The following NMNAT2 variants were observed in gnomAD, a reference collection of about 807,000 sequenced individuals.
NMNAT2 encodes nicotinamide/nicotinic acid mononucleotide adenylyltransferase 2.
Under a neutral mutation model 41.6 loss-of-function variants are expected in NMNAT2, and 11 were observed. The ratio of observed to expected loss-of-function variants is 0.26; its 90% CI spans 0.17 to 0.44. The LOEUF is 0.44. Ranked by LOEUF, NMNAT2 falls within the 20% of genes least tolerant of loss-of-function variation. The pLI is 1.00. For missense variants in NMNAT2, 288 were observed against 407.7 expected, an observed-to-expected ratio of 0.71 and a Z score of 2.53; for synonymous variants, 148 against 151.2, an observed-to-expected ratio of 0.98 and a Z score of 0.16.
chr1:183,370,217 A>AACACAC (rs1169390842), intron 1 of NMNAT2, among the ~76,000 whole-genome samples: 53 of 89,380 alleles, frequency 5.9e-4, no homozygotes, highest in Non-Finnish European at 9.0e-4. Context: ...CACTACTATC[A>AACACAC]ACACATACAC....
At chr1:183,357,762 G>T (rs1223363348) in intron 1 of NMNAT2, among the ~76,000 whole-genome samples, 1 of 152,076 alleles carries the variant, frequency 6.6e-6, no homozygotes, top group Non-Finnish European at 1.5e-5. Flanking sequence ...CAGTGATGTT[G>T]AACTTTTTTT....
intron 1 of NMNAT2, among the ~76,000 whole-genome samples, chr1:183,353,735 C>T (rs577341912): frequency 7.2e-5 from 11 of 152,242 alleles, no homozygotes; most frequent in African/African-American, 2.4e-4. Context: ...GATTGCTGGT[C>T]TCAAAAAAGA....
At chr1:183,293,651 C>G in intron 2 of NMNAT2, 54 bp downstream of exon 2, 1 of 1,325,142 alleles carries the variant, frequency 7.5e-7, no homozygotes, top group Non-Finnish European at 1.1e-6. Flanking sequence ...AACTATCAGG[C>G]CAGGGATGGG....
chr1:183,418,152 G>A, intron 1 of NMNAT2, 31 bp downstream of exon 1: 2 of 1,595,398 alleles, frequency 1.3e-6, no homozygotes, highest in South Asian at 1.1e-5. Flanking sequence ...AGGAGCGGAA[G>A]CGGCTTCCAG....
chr1:183,361,839 G>A (rs1468435105), intron 1 of NMNAT2, among the ~76,000 whole-genome samples: 2 of 152,208 alleles, frequency 1.3e-5, no homozygotes, highest in African/African-American at 4.8e-5. Flanking sequence ...CTAAATCTTG[G>A]TGGCATGTGC....
chr1:183,291,672 C>T (rs1661543238), intron 3 of NMNAT2, among the ~76,000 whole-genome samples: 1 of 152,218 alleles, frequency 6.6e-6, no homozygotes, highest in Admixed American at 6.5e-5. Flanking sequence ...GATTTCCTCA[C>T]TGGACCCTTA....
chr1:183,255,513 A>T (rs1660492588), intron 10 of NMNAT2, among the ~76,000 whole-genome samples: 2 of 152,172 alleles, frequency 1.3e-5, no homozygotes, highest in African/African-American at 4.8e-5. Flanking sequence ...TTTAGGTAGC[A>T]TGGACATTTT....
In NMNAT2 at chr1:183,320,193, G is replaced by T. The variant is rs140130342; in HGVS notation, c.86-26400C>A. On this transcript the variant is annotated intron_variant, in intron 1 of 10. Coordinates refer to ENST00000287713, the MANE Select transcript of NMNAT2 (RefSeq NM_015039.4). ...AATTGTTAGGAATGAGGAGAGAGGT[G>T]ATAGTATTTCAGAGGTAGTATATGT... Among the ~76,000 whole-genome samples, 709 of 152,336 alleles carry T rather than the reference G, an allele frequency of 4.7e-3. 22 individuals carry two copies. The highest frequency in any genetic ancestry group is 0.039 in the East Asian group (203 of 5,184).
At chr1:183,305,330 T>G (rs1571587437) in intron 1 of NMNAT2, among the ~76,000 whole-genome samples, 1 of 150,678 alleles carries the variant, frequency 6.6e-6, no homozygotes, top group East Asian at 2.0e-4. Flanking sequence ...GAGTGGAAGG[T>G]GGGGAGGAAG....
In NMNAT2 at chr1:183,386,189, C is replaced by T. The variant is rs534856835; in HGVS notation, c.85+31994G>A. Reference sequence around the variant, plus strand: ...TTGTAAACAAAAATTATATCCACTTCGAGAAGATTAAAAGTCATGGAAGAT... The same window carrying T: ...TTGTAAACAAAAATTATATCCACTTTGAGAAGATTAAAAGTCATGGAAGAT... On this transcript the variant is annotated intron_variant, in intron 1 of 10. Transcript: ENST00000287713. Among the ~76,000 whole-genome samples the T allele has an allele frequency of 1.3e-4, 19 of 151,974 alleles. No individual in the cohort carries two copies. The East Asian group carries it at 3.5e-3, about 28-fold the overall frequency.
chr1:183,396,938 G>A (rs945519026), intron 1 of NMNAT2, among the ~76,000 whole-genome samples: 4 of 152,072 alleles, frequency 2.6e-5, no homozygotes, highest in African/African-American at 7.2e-5. Flanking sequence ...CATGTGACTC[G>A]GATGCATTCC....
chr1:183,290,991 A>ACTGCAAC (rs1460722178), intron 3 of NMNAT2, among the ~76,000 whole-genome samples: 1 of 152,158 alleles, frequency 6.6e-6, no homozygotes, highest in East Asian at 1.9e-4. Context: ...ACCTCGGCTC[A>ACTGCAAC]CTGCAACCTC....
chr1:183,322,158 C>G (rs1453251079), intron 1 of NMNAT2, among the ~76,000 whole-genome samples: 15 of 152,174 alleles, frequency 9.9e-5, no homozygotes, highest in Admixed American at 9.8e-4. Context: ...TAATAACCCT[C>G]ACATTAAACA....
intron 1 of NMNAT2, among the ~76,000 whole-genome samples, chr1:183,389,733 C>CA (rs1298235330): frequency 1.8e-5 from 2 of 112,700 alleles, no homozygotes; most frequent in African/African-American, 7.2e-5. Context: ...AAGACCCTGT[C>CA]AAAAAAGAAA....
intron 1 of NMNAT2, among the ~76,000 whole-genome samples, chr1:183,381,687 A>C (rs1429571885): frequency 6.6e-6 from 1 of 152,088 alleles, no homozygotes; most frequent in East Asian, 1.9e-4. Flanking sequence ...AAAAAGTAAG[A>C]CTCCTTCTAA....
At position 183,250,407 on chromosome 1, in the gene NMNAT2, A is replaced by G. The variant is rs1014968419; in HGVS notation, c.*2234T>C. ...CACACCCTCCCCTGGGACTGGCATT[A>G]CCATCCTATGTGTGGAGAGCACCTG... is the stretch of plus-strand genomic sequence containing the variant. On this transcript the variant is annotated 3_prime_UTR_variant, in exon 11 of 11. Transcript: ENST00000287713. The G allele has an allele frequency of 1.3e-5, 2 of 152,196 alleles. No homozygotes were observed. The highest frequency in any genetic ancestry group is 6.5e-5 in the Admixed American group (1 of 15,268). The allele number at this position is 152,196 out of a possible 1,614,324, so 9.4% of individuals were successfully genotyped here. A position where few individuals can be genotyped will look rare whatever the true frequency, so the allele number is the denominator to read the frequency against.
At chr1:183,317,308 G>A (rs572381363) in intron 1 of NMNAT2, among the ~76,000 whole-genome samples, 1 of 152,308 alleles carries the variant, frequency 6.6e-6, no homozygotes, top group East Asian at 1.9e-4. Context: ...TTGAGACAGG[G>A]TCTGTCACCC....
intron 1 of NMNAT2, among the ~76,000 whole-genome samples, chr1:183,367,402 G>A (rs1663436800): frequency 6.6e-6 from 1 of 152,178 alleles, no homozygotes; most frequent in South Asian, 2.1e-4. Context: ...AGTTTGCAGT[G>A]AGCCGAGATC....
At chr1:183,320,411 CTGGCCAACG>C in intron 1 of NMNAT2, among the ~76,000 whole-genome samples, 1 of 152,184 alleles carries the variant, frequency 6.6e-6, no homozygotes, top group Middle Eastern at 3.4e-3. Flanking sequence ...CAAGACCAGC[CTGGCCAACG>C]TGGTGAAACC....
Sources: allele counts gnomAD v4.1 joint callset (sites outside exome capture counted in the v4.1 genomes callset), GRCh38; gene constraint gnomAD v4.1.1; transcripts MANE v1.5; gene names NCBI Gene and HGNC (gene_info 2026-07-23, HGNC 2026-07-21).